Variants in AOPEP observed in about 807,000 individuals in gnomAD.
AOPEP encodes the protein aminopeptidase O (putative).
Under a neutral mutation model 98.1 loss-of-function variants are expected in AOPEP, and 77 were observed. The ratio of observed to expected loss-of-function variants is 0.78; its 90% confidence interval spans 0.65 to 0.95. AOPEP has a LOEUF of 0.95. Ranked by LOEUF, AOPEP falls within the 40% of genes least tolerant of loss-of-function variation. The pLI, the probability that AOPEP is intolerant of heterozygous loss-of-function variation, is 0.00. For missense variants in AOPEP, 1,024 were observed against 1,024.7 expected, an observed-to-expected ratio of 1.00 and a Z score of 0.01; for synonymous variants, 346 against 365.3, an observed-to-expected ratio of 0.95 and a Z score of 0.60.
At chr9:94,897,989 A>C (rs2049821061) in intron 5 of AOPEP, among the ~76,000 whole-genome samples, 1 of 151,874 alleles carries the variant, frequency 6.6e-6, no homozygotes, top group African/African-American at 2.4e-5. Flanking sequence ...ACAAGCGCGC[A>C]CCACCATGCC....
intron 1 of AOPEP, among the ~76,000 whole-genome samples, chr9:94,741,353 A>G (rs1002984230): frequency 5.9e-5 from 9 of 151,646 alleles, no homozygotes; most frequent in Non-Finnish European, 1.3e-4. Flanking sequence ...GCTCACTGCA[A>G]GCTCCGCCTC....
chr9:94,944,054 A>G (rs937286585), intron 7 of AOPEP, among the ~76,000 whole-genome samples: 1 of 152,144 alleles, frequency 6.6e-6, no homozygotes, highest in Non-Finnish European at 1.5e-5. Flanking sequence ...TCAAAACCAC[A>G]GTGAGATACC....
intron 5 of AOPEP, among the ~76,000 whole-genome samples, 196 bp downstream of exon 5, chr9:94,801,198 T>C (rs1457534062): frequency 6.6e-6 from 1 of 152,220 alleles, no homozygotes; most frequent in Admixed American, 6.5e-5. Context: ...CCTTTGAGTG[T>C]CATGGGCTCA....
intron 5 of AOPEP, among the ~76,000 whole-genome samples, chr9:94,865,333 TTTAA>T (rs1335523805): frequency 1.3e-5 from 2 of 152,188 alleles, no homozygotes; most frequent in African/African-American, 2.4e-5. Context: ...CGCAGCTTGT[TTTAA>T]TTCTTTTTTT....
intron 2 of AOPEP, among the ~76,000 whole-genome samples, chr9:94,770,269 C>G (rs1478633614): frequency 6.6e-6 from 1 of 152,222 alleles, no homozygotes; most frequent in Non-Finnish European, 1.5e-5. Flanking sequence ...CATCTTATCA[C>G]TTGAGCCAGA....
intron 13 of AOPEP, among the ~76,000 whole-genome samples, chr9:95,031,561 C>G (rs911792871): frequency 6.6e-6 from 1 of 152,198 alleles, no homozygotes; most frequent in African/African-American, 2.4e-5. Context: ...GCCAATGCCC[C>G]AGCAGTGGCC....
At chr9:95,104,133 T>C in the AOPEP span, among the ~76,000 whole-genome samples, 1 of 152,142 alleles carries the variant, frequency 6.6e-6, no homozygotes, top group African/African-American at 2.4e-5. Flanking sequence ...GCAGAGGAAC[T>C]GACAAAGGCC....
intron 14 of AOPEP, among the ~76,000 whole-genome samples, 168 bp from the exon 15 acceptor site, chr9:95,080,526 A>C (rs1021309444): frequency 1.3e-5 from 2 of 152,218 alleles, no homozygotes; most frequent in Non-Finnish European, 2.9e-5. Flanking sequence ...AAAGAAAATA[A>C]AAAGTAAAAA....
intron 1 of AOPEP, among the ~76,000 whole-genome samples, chr9:94,737,839 T>C (rs1006578484): frequency 2.0e-5 from 3 of 152,174 alleles, no homozygotes; most frequent in Non-Finnish European, 2.9e-5. Flanking sequence ...TGTTTCACTT[T>C]TGACTGTCTG....
chr9:94,841,885 C>G (rs2042315395), intron 5 of AOPEP, among the ~76,000 whole-genome samples: 1 of 151,950 alleles, frequency 6.6e-6, no homozygotes, highest in Non-Finnish European at 1.5e-5. Context: ...GACCCTGTCT[C>G]TACAAAAATT....
chr9:94,762,425 C>A (rs370992474), intron 2 of AOPEP, among the ~76,000 whole-genome samples: 17 of 148,694 alleles, frequency 1.1e-4, no homozygotes, highest in African/African-American at 4.2e-4. Flanking sequence ...CCAGCCTGGG[C>A]GACAGAGTGA....
intron 10 of AOPEP, among the ~76,000 whole-genome samples, chr9:94,973,745 G>A (rs1474337149): frequency 6.6e-6 from 1 of 152,248 alleles, no homozygotes; most frequent in Non-Finnish European, 1.5e-5. Flanking sequence ...TCATGGGTCT[G>A]TGTACTTTTA....
At chr9:95,142,277 G>A in the AOPEP span, among the ~76,000 whole-genome samples, 6 of 152,012 alleles carry the variant, frequency 3.9e-5, no homozygotes, top group Non-Finnish European at 8.8e-5. Flanking sequence ...ACAGGTGTGA[G>A]CCACCGTGCC....
chr9:94,834,109 C>G (rs1232303374), intron 5 of AOPEP, among the ~76,000 whole-genome samples: 1 of 152,092 alleles, frequency 6.6e-6, no homozygotes, highest in African/African-American at 2.4e-5. Flanking sequence ...TACCGGAATA[C>G]AGAGGATAGA....
chr9:94,748,785 C>T (rs1835072981), intron 1 of AOPEP, among the ~76,000 whole-genome samples: 1 of 152,156 alleles, frequency 6.6e-6, no homozygotes, highest in Admixed American at 6.5e-5. Context: ...ATGGGTTTGT[C>T]TGATGTTTCC....
At chr9:95,114,797 T>C in the AOPEP span, 1 of 1,108,106 alleles carries the variant, frequency 9.0e-7, no homozygotes, top group Non-Finnish European at 1.4e-6. Context: ...CTGAAGAGTC[T>C]TTGGGAGACG....
the AOPEP span, among the ~76,000 whole-genome samples, chr9:95,104,299 G>A: frequency 6.6e-6 from 1 of 152,236 alleles, no homozygotes; most frequent in Non-Finnish European, 1.5e-5. Flanking sequence ...CTTTCACCAC[G>A]ATGGGTGCCC....
chr9:95,135,893 C>T, the AOPEP span, among the ~76,000 whole-genome samples: 1 of 152,180 alleles, frequency 6.6e-6, no homozygotes, highest in African/African-American at 2.4e-5. Flanking sequence ...GGATGCGGAC[C>T]TGGGTTTCGG....
chr9:95,134,590 G>C, the AOPEP span, among the ~76,000 whole-genome samples: 1 of 152,268 alleles, frequency 6.6e-6, no homozygotes, highest in Admixed American at 6.5e-5. Flanking sequence ...GGAAGACAGA[G>C]GCTGCGGGAC....
Sources: gnomAD v4.1 joint callset for allele counts (sites outside exome capture counted in the v4.1 genomes callset) on GRCh38, gnomAD v4.1.1 for gene constraint, MANE v1.5 for transcripts, NCBI Gene and HGNC (gene_info 2026-07-23, HGNC 2026-07-21) for gene names.